Variants in KCNS3 observed in about 807,000 individuals in gnomAD.
KCNS3 encodes potassium voltage-gated channel modifier subfamily S member 3.
A neutral mutation model predicts 31.0 loss-of-function variants in KCNS3; 13 were observed. The ratio of observed to expected loss-of-function variants is 0.42; its 90% CI spans 0.27 to 0.67. The LOEUF (loss-of-function observed/expected upper bound fraction) is 0.67, where lower values mean the gene tolerates loss of function less well. KCNS3 is among the 30% of genes least tolerant of loss of function. The pLI, the probability that KCNS3 is intolerant of heterozygous loss-of-function variation, is 0.25. For synonymous variants in KCNS3, 238 were observed against 241.5 expected, an observed-to-expected ratio of 0.99 and a Z score of 0.13; for missense variants, 545 against 622.4, an observed-to-expected ratio of 0.88 and a Z score of 1.32.
chr2:17,891,405 A>G (rs1661853749), intron 1 of KCNS3, among the ~76,000 whole-genome samples: 1 of 152,114 alleles, frequency 6.6e-6, no homozygotes, highest in South Asian at 2.1e-4. Flanking sequence ...TTTACATTCA[A>G]TGTTAGTATT....
At chr2:17,926,011 T>C (rs1662829755) in intron 2 of KCNS3, among the ~76,000 whole-genome samples, 1 of 152,216 alleles carries the variant, frequency 6.6e-6, no homozygotes. Flanking sequence ...GGTACAGGCA[T>C]TGGATAAATG....
At chr2:17,918,390 T>C (rs1234053946) in intron 2 of KCNS3, among the ~76,000 whole-genome samples, 2 of 152,140 alleles carry the variant, frequency 1.3e-5, no homozygotes, top group African/African-American at 4.8e-5. Context: ...GGTTTCCAGG[T>C]TCTCCTGGGA....
chr2:17,931,132 G>C lies in KCNS3; in HGVS notation c.124G>C (p.Gly42Arg). The C allele has an allele frequency of 6.2e-7, 1 of 1,614,204 alleles. No individual in the cohort carries two copies. The highest frequency in any genetic ancestry group is 1.1e-5 in the South Asian group (1 of 91,080). Residue 42 changes from glycine (G) to arginine (R), a missense_variant, in exon 3 of 3, where the codon GGG (glycine) becomes CGG (arginine). Physicochemically the swap from Gly to Arg is moderately radical, Grantham distance 125 (BLOSUM62 -2). Transcript: ENST00000304101. The surrounding 1 kb of genome is among the most constrained non-coding windows in gnomAD (Gnocchi z 5.4). The stretch of plus-strand genomic sequence containing the variant: ...CCTGCGGTTTCCTCACACCAGACTG[G>C]GGAAGCTGCTTACTTGCCATTCTGA... ...TLLRFPHTRL[G>R]KLLTCHSEEA...
intron 2 of KCNS3, among the ~76,000 whole-genome samples, chr2:17,928,052 T>C (rs1235914588): frequency 1.3e-5 from 2 of 152,236 alleles, no homozygotes; most frequent in African/African-American, 4.8e-5. Flanking sequence ...CACTCATATT[T>C]GGCTCAAAAT....
At chr2:17,890,552 G>C (rs990512092) in intron 1 of KCNS3, among the ~76,000 whole-genome samples, 1 of 151,984 alleles carries the variant, frequency 6.6e-6, no homozygotes, top group Admixed American at 6.5e-5. Context: ...ACTTTTTGAG[G>C]TAGGCACTTA....
At chr2:17,896,153 C>T (rs1207602713) in intron 1 of KCNS3, among the ~76,000 whole-genome samples, 2 of 152,162 alleles carry the variant, frequency 1.3e-5, no homozygotes, top group African/African-American at 4.8e-5. Flanking sequence ...GGCGATCCTC[C>T]CACCTCAGCC....
At position 17,932,738 on chromosome 2, in the gene KCNS3, G is replaced by A; in HGVS notation, c.*254G>A. On this transcript the variant is annotated 3_prime_UTR_variant, in exon 3 of 3. Transcript: ENST00000304101. Reference sequence around the variant, plus strand: ...ATATAGTTTGGAATATAAGATAAATGGTATTGGGTGGGGTTTGTGGCTACA... The same window carrying A: ...ATATAGTTTGGAATATAAGATAAATAGTATTGGGTGGGGTTTGTGGCTACA... The A allele has an allele frequency of 2.6e-6, 1 of 384,876 alleles. No homozygotes were observed. Among genetic ancestry groups the A allele is most frequent in the Non-Finnish European group, 4.8e-6 (1 of 206,676 alleles). 23.8% of individuals were successfully genotyped at this position (384,876 alleles called of 1,614,324 possible).
chr2:17,887,493 A>ATCTATCTG (rs1430100966), intron 1 of KCNS3, among the ~76,000 whole-genome samples: 3 of 148,152 alleles, frequency 2.0e-5, no homozygotes, highest in South Asian at 2.2e-4. Flanking sequence ...TGATCTATCT[A>ATCTATCTG]TCTATCTATC....
intron 2 of KCNS3, chr2:17,919,759 G>T (rs1263085377): frequency 6.6e-6 from 1 of 152,234 alleles, no homozygotes; most frequent in African/African-American, 2.4e-5. Flanking sequence ...TGTTTGGCCG[G>T]TGGGATTCAC....
Position 17,931,159 on chromosome 2 carries a change from G to A in KCNS3, c.151G>A (p.Glu51Lys). 1 of 1,614,174 alleles carries A rather than the reference G, an allele frequency of 6.2e-7. No homozygotes were observed. The highest frequency in any genetic ancestry group is 8.5e-7 in the Non-Finnish European group (1 of 1,180,020). Residue 51 changes from glutamate (E) to lysine (K), a missense_variant, in exon 3 of 3, where the codon GAG (glutamate) becomes AAG (lysine). By Grantham distance (56) the Glu-to-Lys change is moderately conservative (BLOSUM62 1). Transcript: ENST00000304101. This position sits in a 1 kb window ranked among gnomAD's most constrained non-coding sequence, Gnocchi z 5.4. The part of the protein sequence containing the change: ...LGKLLTCHSE[E>K]AILELCDDYS... Reference sequence around the variant, plus strand: ...GAAGCTGCTTACTTGCCATTCTGAAGAGGCCATTCTGGAGCTGTGTGATGA... The same window carrying A: ...GAAGCTGCTTACTTGCCATTCTGAAAAGGCCATTCTGGAGCTGTGTGATGA...
At chr2:17,905,781 T>C (rs1033234339) in intron 1 of KCNS3, among the ~76,000 whole-genome samples, 4 of 152,256 alleles carry the variant, frequency 2.6e-5, no homozygotes, top group Admixed American at 6.5e-5. Flanking sequence ...TTGCATATGT[T>C]GAACCAGTCT....
intron 1 of KCNS3, among the ~76,000 whole-genome samples, chr2:17,915,200 A>G (rs1388169711): frequency 6.6e-6 from 1 of 152,208 alleles, no homozygotes; most frequent in Non-Finnish European, 1.5e-5. Context: ...GAGGGTGGCA[A>G]TATTTGAGTG....
At position 17,932,247 on chromosome 2, in the gene KCNS3, C is replaced by T. The variant is rs1240555895; in HGVS notation, c.1239C>T (p.Tyr413=). Residue 413 remains tyrosine, a synonymous_variant, in exon 3 of 3, where the codon TAC becomes TAT. Coordinates refer to ENST00000304101, the MANE Select transcript of KCNS3 (RefSeq NM_002252.5). ...TCTTCAACAAGTTTTCCAAGTACTA[C>T]CAGAAGCAAAAGGACATTGATGTGG... is the stretch of plus-strand genomic sequence containing the variant. The part of the protein sequence containing the change: ...TIIFNKFSKY[Y]QKQKDIDVDQ... 1.2e-6 allele frequency: 2 copies of T among 1,613,870 alleles called. No individual in the cohort carries two copies. Among genetic ancestry groups the T allele is most frequent in the Non-Finnish European group, 1.7e-6 (2 of 1,179,794 alleles).
At chr2:17,888,134 T>C (rs1318613504) in intron 1 of KCNS3, among the ~76,000 whole-genome samples, 1 of 152,226 alleles carries the variant, frequency 6.6e-6, no homozygotes, top group Admixed American at 6.5e-5. Flanking sequence ...GTGGGTTGTC[T>C]GTTTACTCTG....
chr2:17,883,849 A>G (rs1674697030), intron 1 of KCNS3, among the ~76,000 whole-genome samples: 2 of 152,162 alleles, frequency 1.3e-5, no homozygotes, highest in South Asian at 4.1e-4. Context: ...AAGACTTGGA[A>G]ACAACCCAAA....
chr2:17,892,489 T>C (rs1661883158), intron 1 of KCNS3, among the ~76,000 whole-genome samples: 1 of 152,162 alleles, frequency 6.6e-6, no homozygotes, highest in Non-Finnish European at 1.5e-5. Flanking sequence ...GTGTGATTTT[T>C]TGGGGGGTGT....
At chr2:17,894,378 A>G (rs1661970596) in intron 1 of KCNS3, among the ~76,000 whole-genome samples, 1 of 152,208 alleles carries the variant, frequency 6.6e-6, no homozygotes. Context: ...TAGATGGGGC[A>G]GTGCTCACTA....
intron 2 of KCNS3, among the ~76,000 whole-genome samples, chr2:17,927,167 G>C (rs1662857668): frequency 6.6e-6 from 1 of 152,310 alleles, no homozygotes; most frequent in East Asian, 1.9e-4. Context: ...CTTTGCTAAA[G>C]CATAGCAAGA....
chr2:17,898,918 G>C (rs552485826), intron 1 of KCNS3, among the ~76,000 whole-genome samples: 1 of 152,200 alleles, frequency 6.6e-6, no homozygotes, highest in South Asian at 2.1e-4. Context: ...TCAGGGCTCT[G>C]GCAATACTTA....
Sources: allele counts gnomAD v4.1 joint callset (sites outside exome capture counted in the v4.1 genomes callset), GRCh38; gene constraint gnomAD v4.1.1; non-coding constraint Gnocchi (gnomAD v3.1); transcripts MANE v1.5; gene names NCBI Gene and HGNC (gene_info 2026-07-23, HGNC 2026-07-21).